The following ADAMTS6 variants were observed in gnomAD, a reference collection of about 807,000 sequenced individuals.
The protein encoded by ADAMTS6 is ADAM metallopeptidase with thrombospondin type 1 motif 6.
ADAMTS6 carries 23 observed loss-of-function variants against 144.3 expected under a neutral mutation model. The ratio of observed to expected loss-of-function variants is 0.16; its 90% CI spans 0.11 to 0.23. The LOEUF (loss-of-function observed/expected upper bound fraction) is 0.23. Among genes scored for constraint, ADAMTS6 ranks in the 10% least tolerant of loss-of-function variants. The probability of loss-of-function intolerance (pLI) is 1.00; values close to 1 mark genes in which losing one functional copy is unlikely to be tolerated. For synonymous variants in ADAMTS6, 444 were observed against 457.5 expected (o/e 0.97, Z 0.38); for missense variants, 999 against 1,379.6 (o/e 0.72, Z 4.37).
At chr5:65,281,594 A>G (rs1762993739) in intron 11 of ADAMTS6, among the ~76,000 whole-genome samples, 1 of 152,136 alleles carries the variant, frequency 6.6e-6, no homozygotes, top group Non-Finnish European at 1.5e-5. Context: ...AAGACATTTA[A>G]AAATACTCCT....
chr5:65,254,858 C>A (rs756356224), intron 14 of ADAMTS6, among the ~76,000 whole-genome samples: 2 of 152,192 alleles, frequency 1.3e-5, no homozygotes, highest in African/African-American at 2.4e-5. Context: ...ACCAAACCAA[C>A]TCACTACTGA....
chr5:65,412,653 T>A (rs1250976372), intron 7 of ADAMTS6, among the ~76,000 whole-genome samples: 1 of 152,156 alleles, frequency 6.6e-6, no homozygotes, highest in Non-Finnish European at 1.5e-5. Context: ...AGCAATAAAA[T>A]GATCCATATA....
rs919880670 is a variant in ADAMTS6, at chr5:65,311,436, C to T, written c.1224-11305G>A. ...ATGTATCAGTCTATTGACATGCATG[C>T]TTTTCTGAAATATTTTAAACATTAA... On this transcript the variant is annotated intron_variant, in intron 9 of 24. Transcript: ENST00000381055. Among the ~76,000 whole-genome samples the T allele has an allele frequency of 2.0e-5, 3 of 152,086 alleles. No homozygotes were observed. The South Asian group carries it at 6.2e-4, about 32-fold the overall frequency.
Position 65,393,635 on chromosome 5 carries a change from G to A in ADAMTS6, c.1073+57840C>T, listed in dbSNP as rs72760568. The stretch of plus-strand genomic sequence containing the variant: ...CCTCAATGCCTGTCAGAGTACAAAT[G>A]ATTCTCTGAGCATGAATTTCTGGAG... On this transcript the variant is annotated intron_variant, in intron 7 of 24. Transcript: ENST00000381055. Among the ~76,000 whole-genome samples, 1,339 of 152,284 alleles carry A rather than the reference G, an allele frequency of 8.8e-3. 11 individuals carry two copies. Among genetic ancestry groups the A allele is most frequent in the Non-Finnish European group, 0.015 (1,040 of 68,012 alleles).
chr5:65,239,635 C>T (rs1366574228), intron 15 of ADAMTS6, among the ~76,000 whole-genome samples: 1 of 151,944 alleles, frequency 6.6e-6, no homozygotes, highest in Non-Finnish European at 1.5e-5. Flanking sequence ...CAGAATGTGA[C>T]AAAACATTTG....
intron 7 of ADAMTS6, among the ~76,000 whole-genome samples, chr5:65,443,238 A>G (rs1292310735): frequency 6.6e-6 from 1 of 152,188 alleles, no homozygotes. Context: ...AAACAGTTTT[A>G]CACTGTTGGT....
At chr5:65,343,953 TG>T (rs1263337409) in intron 7 of ADAMTS6, among the ~76,000 whole-genome samples, 4 of 152,068 alleles carry the variant, frequency 2.6e-5, no homozygotes, top group African/African-American at 9.7e-5. Flanking sequence ...ATTTTTAAAA[TG>T]CTCAACATCA....
intron 24 of ADAMTS6, among the ~76,000 whole-genome samples, chr5:65,168,910 T>C (rs991246983): frequency 6.9e-6 from 1 of 145,644 alleles, no homozygotes; most frequent in African/African-American, 2.5e-5. Context: ...ATTTAAACGT[T>C]AGACCTAAAA....
At chr5:65,279,509 G>T (rs973556072) in intron 11 of ADAMTS6, among the ~76,000 whole-genome samples, 12 of 151,894 alleles carry the variant, frequency 7.9e-5, no homozygotes, top group African/African-American at 2.7e-4. Flanking sequence ...TAGAGACAGG[G>T]TTTCACCACA....
At chr5:65,441,832 CA>C (rs34446676) in intron 7 of ADAMTS6, among the ~76,000 whole-genome samples, 24,304 of 100,448 alleles carry the variant, frequency 0.24, 2,406 homozygotes, top group African/African-American at 0.37. Context: ...AGCCATGGGT[CA>C]AAAAAAAAAA....
At position 65,326,181 on chromosome 5, in the gene ADAMTS6, T is replaced by G. The variant is rs141009978; in HGVS notation, c.1223+3197A>C. ...ACACTAGATAGCTTTCTCAATATAC[T>G]AGATGTCTGGCTGAATTCTTGCCAC... On this transcript the variant is annotated intron_variant, in intron 9 of 24. Transcript: ENST00000381055. Among the ~76,000 whole-genome samples the G allele has an allele frequency of 1.9e-4, 29 of 152,278 alleles. No individual in the cohort carries two copies. In the East Asian group the frequency reaches 5.2e-3, roughly 27 times the overall value.
chr5:65,286,352 C>G (rs762307524), intron 11 of ADAMTS6, among the ~76,000 whole-genome samples: 4 of 152,234 alleles, frequency 2.6e-5, no homozygotes, highest in East Asian at 1.9e-4. Flanking sequence ...TTCCATCCAT[C>G]ATGACACCAT....
intron 7 of ADAMTS6, among the ~76,000 whole-genome samples, chr5:65,377,865 C>CT (rs1188814841): frequency 6.6e-6 from 1 of 152,208 alleles, no homozygotes; most frequent in African/African-American, 2.4e-5. Context: ...GGGCCATACT[C>CT]TCTCTGAAAC....
chr5:65,354,016 T>C (rs1203248651), intron 7 of ADAMTS6, among the ~76,000 whole-genome samples: 1 of 151,926 alleles, frequency 6.6e-6, no homozygotes, highest in African/African-American at 2.4e-5. Context: ...TCCATACGTG[T>C]TATTTTCTTT....
intron 9 of ADAMTS6, among the ~76,000 whole-genome samples, chr5:65,310,536 G>A (rs935767260): frequency 1.3e-5 from 2 of 152,034 alleles, no homozygotes; most frequent in Non-Finnish European, 2.9e-5. Flanking sequence ...AAAAAAGTTA[G>A]ATTGAATTGA....
At chr5:65,361,024 T>C (rs1029110596) in intron 7 of ADAMTS6, among the ~76,000 whole-genome samples, 17 of 152,272 alleles carry the variant, frequency 1.1e-4, no homozygotes, top group African/African-American at 4.1e-4. Context: ...CTCAATATTA[T>C]TTGTCAATAA....
chr5:65,406,674 G>A (rs959325509), intron 7 of ADAMTS6, among the ~76,000 whole-genome samples: 4 of 152,118 alleles, frequency 2.6e-5, no homozygotes, highest in Non-Finnish European at 4.4e-5. Flanking sequence ...AATGAGTTGG[G>A]AGGATTGCTT....
chr5:65,274,585 C>A (rs1248539438), intron 11 of ADAMTS6, among the ~76,000 whole-genome samples: 2 of 152,158 alleles, frequency 1.3e-5, no homozygotes, highest in East Asian at 3.9e-4. Context: ...AAGTGCCCCA[C>A]AGAGTATAAA....
At chr5:65,410,576 A>G (rs1754968913) in intron 7 of ADAMTS6, among the ~76,000 whole-genome samples, 1 of 152,132 alleles carries the variant, frequency 6.6e-6, no homozygotes, top group African/African-American at 2.4e-5. Flanking sequence ...CAAGTATGCA[A>G]TATATTAATA....
Sources: allele counts gnomAD v4.1 joint callset (sites outside exome capture counted in the v4.1 genomes callset), GRCh38; gene constraint gnomAD v4.1.1; transcripts MANE v1.5; gene names NCBI Gene and HGNC (gene_info 2026-07-23, HGNC 2026-07-21).